The following SREBF2 variants were observed in gnomAD, a reference collection of about 807,000 sequenced individuals.
The protein encoded by SREBF2 is sterol regulatory element binding transcription factor 2, also known as sterol regulatory element-binding protein 2.
A neutral mutation model predicts 113.1 loss-of-function variants in SREBF2; 55 were observed. The ratio of observed to expected loss-of-function variants is 0.49; its 90% CI spans 0.39 to 0.61. The LOEUF (loss-of-function observed/expected upper bound fraction) is 0.61, where lower values mean the gene tolerates loss of function less well. Among genes scored for constraint, SREBF2 ranks in the 20% least tolerant of loss-of-function variants. The pLI is 0.00. For missense variants in SREBF2, 1,349 were observed against 1,487.4 expected (o/e 0.91, Z 1.53); for synonymous variants, 593 against 605.7 (o/e 0.98, Z 0.31).
At chr22:41,878,314 A>G (rs906333770) in intron 9 of SREBF2, among the ~76,000 whole-genome samples, 191 bp downstream of exon 9, 3 of 152,148 alleles carry the variant, frequency 2.0e-5, no homozygotes, top group African/African-American at 4.8e-5. Context: ...GAGATGATCT[A>G]TGTCTCCGGT....
At chr22:41,875,832 G>T (rs2077192735) in intron 7 of SREBF2, 108 bp downstream of exon 7, 11 of 1,293,916 alleles carry the variant, frequency 8.5e-6, no homozygotes, top group Admixed American at 3.5e-5. Flanking sequence ...AGAGGGCCTA[G>T]CCTGGAGAAA....
Position 41,877,439 on chromosome 22 carries a change from G to A in SREBF2, c.1579+18G>A. 1 of 1,613,376 alleles carries A rather than the reference G, an allele frequency of 6.2e-7. No homozygotes were observed. Among genetic ancestry groups the A allele is most frequent in the South Asian group, 1.1e-5 (1 of 90,990 alleles). ...CGAGTCAGGTAGGTGGAGGCCCCTT[G>A]CCCCACCTGGGCATGGCTGGACCAC... On this transcript the variant is annotated intron_variant, in intron 8 of 18. Transcript: ENST00000361204.
intron 1 of SREBF2, among the ~76,000 whole-genome samples, chr22:41,838,509 G>C (rs2076799055): frequency 1.3e-5 from 2 of 152,144 alleles, no homozygotes; most frequent in African/African-American, 4.8e-5. Context: ...GAGGAGGGTG[G>C]ATCACCCGAG....
chr22:41,896,038 G>C (rs2077413496), intron 13 of SREBF2, among the ~76,000 whole-genome samples: 1 of 151,986 alleles, frequency 6.6e-6, no homozygotes. Context: ...CTATTCCGGA[G>C]GCTGAGGCAG....
chr22:41,841,450 C>T (rs1184948737), intron 1 of SREBF2, among the ~76,000 whole-genome samples: 2 of 152,160 alleles, frequency 1.3e-5, no homozygotes, highest in East Asian at 3.9e-4. Context: ...GCTCAGATCA[C>T]GGCACTAGAG....
intron 1 of SREBF2, among the ~76,000 whole-genome samples, chr22:41,859,084 C>G (rs1254721394): frequency 6.7e-6 from 1 of 149,672 alleles, no homozygotes; most frequent in Non-Finnish European, 1.5e-5. Flanking sequence ...GATCCCGCCA[C>G]TGCACTCCAG....
chr22:41,890,800 T>TG (rs1383693027), intron 11 of SREBF2, among the ~76,000 whole-genome samples: 1 of 151,608 alleles, frequency 6.6e-6, no homozygotes, highest in East Asian at 1.9e-4. Flanking sequence ...CCCAGCTACT[T>TG]GGGAGGCTGA....
chr22:41,878,203 T>A lies in SREBF2; in HGVS notation c.1761+80T>A, dbSNP rs1371638693. ...GCAACTCGTGTCAAAGAAAGTCCTA[T>A]GATAGATGCTTGTGGTGAGAGGAAA... is the stretch of plus-strand genomic sequence containing the variant. On this transcript the variant is annotated intron_variant, in intron 9 of 18. Transcript: ENST00000361204. 1.9e-6 allele frequency: 3 copies of A among 1,572,960 alleles called. No individual in the cohort carries two copies. In the African/African-American group the frequency reaches 4.0e-5, roughly 21 times the overall value.
chr22:41,877,484 T>A, intron 8 of SREBF2, 63 bp downstream of exon 8: 1 of 1,574,396 alleles, frequency 6.4e-7, no homozygotes, highest in Non-Finnish European at 8.7e-7. Context: ...AGAAGGACCC[T>A]GTGTACAAAC....
chr22:41,877,148 C>A (rs916224578), intron 7 of SREBF2, 81 bp from the exon 8 acceptor site: 4 of 1,381,020 alleles, frequency 2.9e-6, no homozygotes, highest in Non-Finnish European at 4.1e-6. Context: ...ATAACCATTT[C>A]TCAATATATA....
intron 7 of SREBF2, among the ~76,000 whole-genome samples, chr22:41,875,981 C>T (rs150219510): frequency 1.8e-4 from 27 of 152,342 alleles, no homozygotes; most frequent in African/African-American, 5.8e-4. Flanking sequence ...AGATCCAGAA[C>T]GAGAATGCAG....
chr22:41,905,187 G>A (rs2077496679), intron 18 of SREBF2, among the ~76,000 whole-genome samples: 1 of 152,224 alleles, frequency 6.6e-6, no homozygotes, highest in Admixed American at 6.5e-5. Flanking sequence ...GGAGGGTTGG[G>A]GTGGCGTCCC....
chr22:41,875,725 G>A lies in SREBF2; in HGVS notation c.1386+1G>A, dbSNP rs1284741566. The A allele has an allele frequency of 1.9e-6, 3 of 1,614,010 alleles. No homozygotes were observed. In the African/African-American group the frequency reaches 4.0e-5, roughly 22 times the overall value. On this transcript the variant is annotated splice_donor_variant, in intron 7 of 18. Transcript: ENST00000361204. LOFTEE classifies it high-confidence loss of function. The stretch of plus-strand genomic sequence containing the variant: ...AAGCCCTCTATTGGATGATGCAAAG[G>A]TACAGACTTTTGAAATCTCCTGATC...
At chr22:41,883,611 C>T (rs2077270662) in intron 10 of SREBF2, among the ~76,000 whole-genome samples, 1 of 152,212 alleles carries the variant, frequency 6.6e-6, no homozygotes, top group Non-Finnish European at 1.5e-5. Flanking sequence ...CTGTGTGAGG[C>T]ACTGAGGGGA....
intron 11 of SREBF2, among the ~76,000 whole-genome samples, chr22:41,890,674 T>A (rs973811677): frequency 6.7e-6 from 1 of 149,176 alleles, no homozygotes; most frequent in African/African-American, 2.4e-5. Flanking sequence ...AAAAAAAAAT[T>A]TTTTTTTTTT....
intron 1 of SREBF2, among the ~76,000 whole-genome samples, chr22:41,855,846 T>A (rs1004916535): frequency 6.6e-6 from 1 of 151,544 alleles, no homozygotes; most frequent in African/African-American, 2.4e-5. Context: ...AGCCTTGAAC[T>A]CTGGCCTCAA....
chr22:41,898,632 G>A lies in SREBF2; in HGVS notation c.2606-17G>A, dbSNP rs762260622. 1.4e-5 allele frequency: 23 copies of A among 1,613,680 alleles called. No homozygotes were observed. Among genetic ancestry groups the A allele is most frequent in the South Asian group, 2.2e-5 (2 of 91,060 alleles). ...TTCTGTGGGTGCTGGAGTGCGTTTGGTGCTGTTCTCCTCTAGGTCCAGACA... is the reference window on the plus strand; with the variant it reads ...TTCTGTGGGTGCTGGAGTGCGTTTGATGCTGTTCTCCTCTAGGTCCAGACA... On this transcript the variant is annotated splice_polypyrimidine_tract_variant and intron_variant, in intron 14 of 18. Transcript: ENST00000361204.
chr22:41,839,859 A>G (rs1289115030), intron 1 of SREBF2, among the ~76,000 whole-genome samples: 1 of 150,736 alleles, frequency 6.6e-6, no homozygotes, highest in African/African-American at 2.4e-5. Flanking sequence ...GTGGACATAT[A>G]TGTTCATTTC....
At position 41,900,426 on chromosome 22, in the gene SREBF2, C is replaced by T. The variant is rs756260014; in HGVS notation, c.2835C>T (p.Cys945=). The change falls in exon 16 of 19, where the codon TGC becomes TGT. Residue 945 remains cysteine (C), a synonymous_variant. Coordinates refer to ENST00000361204, the MANE Select transcript of SREBF2 (RefSeq NM_004599.4). ...ADGQQSSFCH[C]ERASGHLWSS... ...GGCAGCAGAGTTCCTTCTGCCATTG[C>T]GAGAGGGCCAGTGGCCACCTATGGA... 3.7e-6 allele frequency: 6 copies of T among 1,613,902 alleles called. No individual in the cohort carries two copies. The highest frequency in any genetic ancestry group is 1.7e-5 in the Admixed American group (1 of 60,032).
Sources: gnomAD v4.1 joint callset for allele counts (sites outside exome capture counted in the v4.1 genomes callset) on GRCh38, gnomAD v4.1.1 for gene constraint, MANE v1.5 for transcripts, NCBI Gene and HGNC (gene_info 2026-07-23, HGNC 2026-07-21) for gene names.